Variants in CCDC169 observed in about 807,000 individuals in gnomAD.
CCDC169 encodes the protein coiled-coil domain containing 169, also known as coiled-coil domain-containing protein 169.
In CCDC169, 30 loss-of-function variants were observed where a neutral mutation model predicts 36.0. That is an observed-to-expected ratio of 0.83 (90% confidence interval 0.62 to 1.13). CCDC169 has a LOEUF of 1.13. Ranked by LOEUF, CCDC169 falls within the 50% of genes most tolerant of loss-of-function variation. The pLI is 0.00. For missense variants in CCDC169, 245 were observed against 245.9 expected (o/e 1.00, Z 0.03); for synonymous variants, 85 against 81.5 (o/e 1.04, Z -0.23).
intron 7 of CCDC169, among the ~76,000 whole-genome samples, chr13:36,235,392 G>T (rs1870950519): frequency 6.6e-6 from 1 of 151,772 alleles, no homozygotes; most frequent in South Asian, 2.1e-4. Context: ...TCTTTTTCAA[G>T]TTTCTTAAGG....
At chr13:36,285,169 ATC>A (rs1878018272) in intron 2 of CCDC169, among the ~76,000 whole-genome samples, 1 of 152,228 alleles carries the variant, frequency 6.6e-6, no homozygotes. Flanking sequence ...TTTTTGGCAC[ATC>A]TGAGTACAGT....
chr13:36,280,879 C>T (rs1036015854), intron 4 of CCDC169: 2 of 152,678 alleles, frequency 1.3e-5, no homozygotes, highest in Non-Finnish European at 1.5e-5. Flanking sequence ...GCCAACTGTA[C>T]GCTCACAATC....
intron 7 of CCDC169, among the ~76,000 whole-genome samples, chr13:36,233,710 C>A (rs1205131792): frequency 6.6e-6 from 1 of 152,120 alleles, no homozygotes; most frequent in Non-Finnish European, 1.5e-5. Context: ...GGAGCAGACA[C>A]AAGAGTCAAT....
rs537736737 is a variant in CCDC169 at position 36,253,125 on chromosome 13, G to A, written c.468+678C>T. ...AATTTACTGATCACCTCTTTGTCCT[G>A]TATTTATAAGTACGCACTTCTACTA... is the stretch of plus-strand genomic sequence containing the variant. On this transcript the variant is annotated intron_variant, in intron 6 of 7. Transcript: ENST00000239859. 5.9e-5 allele frequency among the ~76,000 whole-genome samples: 9 copies of A among 152,232 alleles called. No individual in the cohort carries two copies. The South Asian group carries it at 1.9e-3, about 32-fold the overall frequency.
chr13:36,263,162 T>C (rs1284819722), intron 4 of CCDC169, among the ~76,000 whole-genome samples: 1 of 151,914 alleles, frequency 6.6e-6, no homozygotes, highest in East Asian at 1.9e-4. Flanking sequence ...GAATTTACAA[T>C]CAAGTTCCCC....
intron 4 of CCDC169, among the ~76,000 whole-genome samples, chr13:36,259,762 G>T (rs1566073551): frequency 6.6e-6 from 1 of 152,254 alleles, no homozygotes; most frequent in African/African-American, 2.4e-5. Context: ...GTGACCAAAG[G>T]TTGAAGTTTT....
intron 2 of CCDC169, among the ~76,000 whole-genome samples, chr13:36,287,204 G>GT (rs1878359032): frequency 1.3e-5 from 2 of 152,090 alleles, no homozygotes; most frequent in Non-Finnish European, 2.9e-5. Flanking sequence ...TAAATCTGCT[G>GT]TTACTAAGCT....
At chr13:36,236,512 A>G (rs910432917) in intron 7 of CCDC169, among the ~76,000 whole-genome samples, 1 of 152,022 alleles carries the variant, frequency 6.6e-6, no homozygotes, top group Admixed American at 6.6e-5. Flanking sequence ...AATGGGTGAA[A>G]AGGGAGCTAA....
intron 4 of CCDC169, among the ~76,000 whole-genome samples, chr13:36,276,905 A>G (rs1218992232): frequency 6.6e-6 from 1 of 152,162 alleles, no homozygotes; most frequent in East Asian, 1.9e-4. Flanking sequence ...AGGTCTGCCA[A>G]AAAAATACAA....
At chr13:36,286,990 C>T (rs985527981) in intron 2 of CCDC169, among the ~76,000 whole-genome samples, 1 of 152,144 alleles carries the variant, frequency 6.6e-6, no homozygotes, top group African/African-American at 2.4e-5. Flanking sequence ...AGAGAAAAAA[C>T]AATTTTCAAC....
downstream of CCDC169, chr13:36,226,877 G>A (rs9546781): frequency 0.42 from 152,406 of 359,274 alleles, 33,684 homozygotes; most frequent in Non-Finnish European, 0.47. Flanking sequence ...GATTATTTGT[G>A]CCCCAAATCT....
chr13:36,241,285 T>C (rs898091552), intron 7 of CCDC169, among the ~76,000 whole-genome samples: 1 of 152,194 alleles, frequency 6.6e-6, no homozygotes, highest in African/African-American at 2.4e-5. Context: ...AAATCATAAA[T>C]GTACCAATCC....
intron 4 of CCDC169, among the ~76,000 whole-genome samples, chr13:36,272,858 G>A (rs1876284268): frequency 6.6e-6 from 1 of 152,158 alleles, no homozygotes; most frequent in Non-Finnish European, 1.5e-5. Flanking sequence ...GAGTATCCCA[G>A]CTGCGTGGGA....
chr13:36,227,204 G>C (rs1869925116), downstream of CCDC169: 2 of 1,528,180 alleles, frequency 1.3e-6, no homozygotes, highest in East Asian at 4.9e-5. Flanking sequence ...TTTACTTTTA[G>C]CTCTTCAGGT....
At chr13:36,259,838 T>G (rs1874392194) in intron 4 of CCDC169, among the ~76,000 whole-genome samples, 1 of 152,228 alleles carries the variant, frequency 6.6e-6, no homozygotes, top group African/African-American at 2.4e-5. Flanking sequence ...CCAGACCCTA[T>G]TCTCCTGCCT....
At chr13:36,281,834 C>A (rs535456095) in intron 4 of CCDC169, among the ~76,000 whole-genome samples, 2 of 151,986 alleles carry the variant, frequency 1.3e-5, no homozygotes, top group East Asian at 3.9e-4. Context: ...TACACTCCAG[C>A]CTGGGTGACA....
intron 7 of CCDC169, among the ~76,000 whole-genome samples, chr13:36,235,838 CTG>C (rs34109385): frequency 0.18 from 26,937 of 151,722 alleles, 2,993 homozygotes; most frequent in East Asian, 0.36. Context: ...CAAAAATCAA[CTG>C]TATTTCTAGA....
In CCDC169 at chr13:36,295,844, G is replaced by C; in HGVS notation, c.97C>G (p.Leu33Val). 6.5e-7 allele frequency: 1 copy of C among 1,532,524 alleles called. No individual in the cohort carries two copies. Among genetic ancestry groups the C allele is most frequent in the Non-Finnish European group, 8.8e-7 (1 of 1,132,726 alleles). 94.9% of individuals were successfully genotyped at this position (1,532,524 alleles called of 1,614,324 possible). Reference protein sequence around the residue: ...EEVRKKDAVQLSIFELRHKIT... With the variant: ...EEVRKKDAVQVSIFELRHKIT... ...TTGTGTCTTAGTTCAAATATTGAGA[G>C]TTGCACTGCATCCCTGTTATTTAAA... Residue 33 changes from leucine (L) to valine (V), a missense_variant, in exon 2 of 8, where the codon CTC (leucine) becomes GTC (valine). Coordinates refer to ENST00000239859, the MANE Select transcript of CCDC169 (RefSeq NM_001144981.3).
chr13:36,282,303 A>G, intron 4 of CCDC169: 4 of 907,626 alleles, frequency 4.4e-6, no homozygotes, highest in Non-Finnish European at 5.3e-6. Context: ...ACACAATTAT[A>G]TGTCTGAATT....
Sources: gnomAD v4.1 joint callset for allele counts (sites outside exome capture counted in the v4.1 genomes callset) on GRCh38, gnomAD v4.1.1 for gene constraint, MANE v1.5 for transcripts, NCBI Gene and HGNC (gene_info 2026-07-23, HGNC 2026-07-21) for gene names.